EFNA5: variants seen among roughly 807,000 people sequenced by gnomAD.
The protein encoded by EFNA5 is ephrin A5, also known as ephrin-A5.
Under a neutral mutation model 22.9 loss-of-function variants are expected in EFNA5, and 5 were observed. The observed-to-expected ratio is 0.22, with a 90% confidence interval of 0.11 to 0.46. The LOEUF (loss-of-function observed/expected upper bound fraction) is 0.46. Among genes scored for constraint, EFNA5 ranks in the 20% least tolerant of loss-of-function variants. EFNA5 has a pLI of 0.99. For synonymous variants in EFNA5, 113 were observed against 112.2 expected, an observed-to-expected ratio of 1.01 and a Z score of -0.04; for missense variants, 237 against 293.3, an observed-to-expected ratio of 0.81 and a Z score of 1.40.
At chr5:107,502,147 G>A (rs116701858) in intron 1 of EFNA5, among the ~76,000 whole-genome samples, 4 of 152,188 alleles carry the variant, frequency 2.6e-5, no homozygotes, top group East Asian at 1.9e-4. Context: ...TCAGTTCACC[G>A]ATCTAATTCC....
chr5:107,404,133 T>A (rs910247381), intron 2 of EFNA5, among the ~76,000 whole-genome samples: 17 of 152,214 alleles, frequency 1.1e-4, no homozygotes, highest in Non-Finnish European at 1.9e-4. Context: ...TATTCTGAAA[T>A]GAGGCCAAAT....
Position 107,580,580 on chromosome 5 carries a change from G to A in EFNA5, c.125+89909C>T, listed in dbSNP as rs187569524. 3.8e-4 allele frequency among the ~76,000 whole-genome samples: 57 copies of A among 151,876 alleles called. No homozygotes were observed. In the East Asian group the frequency reaches 7.9e-3, roughly 21 times the overall value. Reference sequence around the variant, plus strand: ...TCTACTAAAAATACAAAAATTAGCCGGGCATGGTGGCGGGAGCCTGTAGTC... The same window carrying A: ...TCTACTAAAAATACAAAAATTAGCCAGGCATGGTGGCGGGAGCCTGTAGTC... On this transcript the variant is annotated intron_variant, in intron 1 of 4. Transcript: ENST00000333274.
intron 1 of EFNA5, among the ~76,000 whole-genome samples, chr5:107,590,265 T>G (rs3844311): frequency 2.0e-5 from 3 of 151,980 alleles, no homozygotes; most frequent in Admixed American, 2.0e-4. Context: ...TATTCTAAAC[T>G]CTACCTTCCA....
chr5:107,397,784 G>C (rs528054372), intron 2 of EFNA5, among the ~76,000 whole-genome samples: 2 of 152,166 alleles, frequency 1.3e-5, no homozygotes, highest in Non-Finnish European at 2.9e-5. Context: ...ACCAAGGAGG[G>C]AGTCGTTAGA....
chr5:107,399,519 A>G (rs901582985), intron 2 of EFNA5, among the ~76,000 whole-genome samples: 5 of 152,332 alleles, frequency 3.3e-5, no homozygotes, highest in Admixed American at 6.5e-5. Flanking sequence ...GGCCCCTCCC[A>G]GTGAACAGAG....
At chr5:107,663,148 G>A (rs1395820765) in intron 1 of EFNA5, among the ~76,000 whole-genome samples, 4 of 151,904 alleles carry the variant, frequency 2.6e-5, no homozygotes, top group Non-Finnish European at 5.9e-5. Context: ...CTTTTCTATC[G>A]TCCATATTCA....
rs1054198614 is a variant in EFNA5 at position 107,376,940 on chromosome 5, G to A, written c.*4315C>T. The A allele has an allele frequency of 2.4e-4, 37 of 151,304 alleles. No individual in the cohort carries two copies. Among genetic ancestry groups the A allele is most frequent in the African/African-American group, 7.5e-4 (31 of 41,320 alleles). The allele number at this position is 151,304 out of a possible 1,614,324, so 9.4% of individuals were successfully genotyped here. On this transcript the variant is annotated 3_prime_UTR_variant, in exon 5 of 5. Transcript: ENST00000333274. Reference sequence around the variant, plus strand: ...ATTTTTATTTAGTTATACTTGTACGGACACGTGTATATACAAATACAGATC... The same window carrying A: ...ATTTTTATTTAGTTATACTTGTACGAACACGTGTATATACAAATACAGATC...
rs1347144546 is a variant in EFNA5, at chr5:107,670,815, G to T, written c.-202C>A. ...GAGAGCGAGAAGAAAAGAAGGCGGTGGGATGGGGGGTGATAAAGACAAACT... is the reference window on the plus strand; with the variant it reads ...GAGAGCGAGAAGAAAAGAAGGCGGTTGGATGGGGGGTGATAAAGACAAACT... On this transcript the variant is annotated 5_prime_UTR_variant, in exon 1 of 5. Transcript: ENST00000333274. 3 of 644,280 alleles carry T rather than the reference G, an allele frequency of 4.7e-6. No individual in the cohort carries two copies. In the East Asian group the frequency reaches 8.6e-5, roughly 19 times the overall value. 39.9% of individuals were successfully genotyped at this position (644,280 alleles called of 1,614,324 possible). A position where few individuals can be genotyped will look rare whatever the true frequency, so the allele number is the denominator to read the frequency against.
At chr5:107,438,926 T>C (rs151054110) in intron 1 of EFNA5, among the ~76,000 whole-genome samples, 1 of 152,214 alleles carries the variant, frequency 6.6e-6, no homozygotes, top group African/African-American at 2.4e-5. Flanking sequence ...TGTGTTAGCA[T>C]GAGCCACTGT....
At chr5:107,666,141 T>A (rs1751060475) in intron 1 of EFNA5, among the ~76,000 whole-genome samples, 1 of 152,192 alleles carries the variant, frequency 6.6e-6, no homozygotes, top group Non-Finnish European at 1.5e-5. Flanking sequence ...AAACTTTCAA[T>A]CTTTACTCAC....
chr5:107,603,437 C>A (rs2112514138), intron 1 of EFNA5, among the ~76,000 whole-genome samples: 1 of 152,276 alleles, frequency 6.6e-6, no homozygotes, highest in African/African-American at 2.4e-5. Flanking sequence ...AGGATTTATA[C>A]TTAACTGAGA....
chr5:107,569,567 A>ATATATATG (rs1554067022), intron 1 of EFNA5, among the ~76,000 whole-genome samples: 33 of 21,330 alleles, frequency 1.5e-3, no homozygotes, highest in Non-Finnish European at 4.1e-3. Flanking sequence ...ATTTATATAT[A>ATATATATG]TATATATATA....
At chr5:107,444,182 A>G (rs1020020048) in intron 1 of EFNA5, among the ~76,000 whole-genome samples, 3 of 152,258 alleles carry the variant, frequency 2.0e-5, no homozygotes, top group African/African-American at 7.2e-5. Context: ...GCACCCCTGA[A>G]AAAAGCTAAA....
chr5:107,643,101 G>A (rs1255425399), intron 1 of EFNA5, among the ~76,000 whole-genome samples: 6 of 152,082 alleles, frequency 3.9e-5, no homozygotes, highest in Non-Finnish European at 8.8e-5. Context: ...AAAACAACAG[G>A]AGGCAACAGC....
At chr5:107,417,376 A>G (rs912918264) in intron 2 of EFNA5, among the ~76,000 whole-genome samples, 3 of 152,186 alleles carry the variant, frequency 2.0e-5, no homozygotes, top group African/African-American at 7.2e-5. Context: ...AAACCCATAC[A>G]TAGCATACAT....
intron 1 of EFNA5, among the ~76,000 whole-genome samples, chr5:107,460,635 A>G (rs976056352): frequency 4.0e-5 from 6 of 150,536 alleles, no homozygotes; most frequent in East Asian, 3.9e-4. Flanking sequence ...AAAATGTGAG[A>G]AAAAAAAACC....
chr5:107,427,114 G>A, intron 2 of EFNA5, 103 bp downstream of exon 2: 1 of 1,236,146 alleles, frequency 8.1e-7, no homozygotes, highest in South Asian at 1.3e-5. Context: ...GGAGATATCT[G>A]TAATGCAGAG....
chr5:107,518,422 A>G (rs1747527897), intron 1 of EFNA5, among the ~76,000 whole-genome samples: 1 of 151,946 alleles, frequency 6.6e-6, no homozygotes, highest in African/African-American at 2.4e-5. Flanking sequence ...TGGAGAGGAG[A>G]GCTCCGGAGT....
chr5:107,566,094 T>C (rs1288288681), intron 1 of EFNA5, among the ~76,000 whole-genome samples: 1 of 152,160 alleles, frequency 6.6e-6, no homozygotes, highest in Admixed American at 6.5e-5. Flanking sequence ...GAAGATCATT[T>C]AAAAAAGAAA....
Sources: gnomAD v4.1 joint callset for allele counts (sites outside exome capture counted in the v4.1 genomes callset) on GRCh38, gnomAD v4.1.1 for gene constraint, MANE v1.5 for transcripts, NCBI Gene and HGNC (gene_info 2026-07-23, HGNC 2026-07-21) for gene names.